EFTUD2: variants seen among roughly 807,000 people sequenced by gnomAD.
EFTUD2 encodes elongation factor Tu GTP binding domain containing 2.
In EFTUD2, 9 loss-of-function variants were observed where a neutral mutation model predicts 114.3. The observed-to-expected ratio is 0.08, with a 90% confidence interval of 0.05 to 0.14. EFTUD2 has a LOEUF of 0.14. EFTUD2 is among the 10% of genes least tolerant of loss of function. EFTUD2 has a pLI of 1.00. For missense variants in EFTUD2, 765 were observed against 1,241.2 expected, an observed-to-expected ratio of 0.62 and a Z score of 5.76; for synonymous variants, 449 against 462.3, an observed-to-expected ratio of 0.97 and a Z score of 0.37.
intron 18 of EFTUD2, 180 bp downstream of exon 18, chr17:44,859,717 CACACACAT>C: frequency 1.1e-6 from 1 of 896,092 alleles, no homozygotes; most frequent in Non-Finnish European, 1.7e-6. Context: ...TGTTTTAACA[CACACACAT>C]ACACACACAC....
At chr17:44,855,041 C>G (rs936049525) in intron 20 of EFTUD2, 37 bp from the exon 21 acceptor site, 2 of 1,549,700 alleles carry the variant, frequency 1.3e-6, no homozygotes, top group African/African-American at 2.7e-5. Flanking sequence ...GGACGGCTAA[C>G]AGAACAGCAG....
rs2051103619 is a variant in EFTUD2, at chr17:44,883,166, G to T, written c.427-8C>A. 2 of 1,613,824 alleles carry T rather than the reference G, an allele frequency of 1.2e-6. No individual in the cohort carries two copies. The highest frequency in any genetic ancestry group is 4.5e-5 in the East Asian group (2 of 44,866). On this transcript the variant is annotated splice_region_variant and splice_polypyrimidine_tract_variant and intron_variant, in intron 5 of 27. Coordinates refer to ENST00000426333, the MANE Select transcript of EFTUD2 (RefSeq NM_004247.4). ...ACAATCCACAAAACATGTCTAAAAGGGAAGAAACAGTTAACATCTGCCGAC... is the reference window on the plus strand; with the variant it reads ...ACAATCCACAAAACATGTCTAAAAGTGAAGAAACAGTTAACATCTGCCGAC...
At chr17:44,877,877 A>T (rs1054237360) in intron 9 of EFTUD2, among the ~76,000 whole-genome samples, 2 of 151,898 alleles carry the variant, frequency 1.3e-5, no homozygotes, top group African/African-American at 4.8e-5. Context: ...CACGCCTGTA[A>T]TCTCCACACT....
At chr17:44,861,361 C>T (rs538613285) in intron 16 of EFTUD2, among the ~76,000 whole-genome samples, 1 of 149,562 alleles carries the variant, frequency 6.7e-6, no homozygotes, top group South Asian at 2.2e-4. Flanking sequence ...AGGAGAATCG[C>T]TTGAACCCGG....
rs972364881 is a variant in EFTUD2 at position 44,851,018 on chromosome 17, T to C, written c.*256A>G. On this transcript the variant is annotated 3_prime_UTR_variant, in exon 28 of 28. Coordinates refer to ENST00000426333, the MANE Select transcript of EFTUD2 (RefSeq NM_004247.4). The stretch of plus-strand genomic sequence containing the variant: ...TAGGGCCCCTTGGGGTTTCATCCCC[T>C]TCTCTTTCTGTGAGCCCAAGCTCCT... 5 of 471,178 alleles carry C rather than the reference T, an allele frequency of 1.1e-5. No homozygotes were observed. Among genetic ancestry groups the C allele is most frequent in the Non-Finnish European group, 1.5e-5 (4 of 260,158 alleles). The allele number at this position is 471,178 out of a possible 1,614,324, so 29.2% of individuals were successfully genotyped here.
At chr17:44,883,997 T>A in intron 4 of EFTUD2, 1 of 418,126 alleles carries the variant, frequency 2.4e-6, no homozygotes, top group South Asian at 2.5e-5. Flanking sequence ...CTGGGCATGG[T>A]GGCTCATGCC....
intron 9 of EFTUD2, among the ~76,000 whole-genome samples, chr17:44,878,578 C>T (rs2051013373): frequency 6.6e-6 from 1 of 152,226 alleles, no homozygotes; most frequent in Non-Finnish European, 1.5e-5. Context: ...ATTTTGGCAA[C>T]TGTACTGTGG....
chr17:44,882,425 T>G (rs2051088885), intron 6 of EFTUD2, among the ~76,000 whole-genome samples: 1 of 151,834 alleles, frequency 6.6e-6, no homozygotes, highest in African/African-American at 2.4e-5. Context: ...CCAGCTACAT[T>G]TTGCATTTTT....
intron 2 of EFTUD2, among the ~76,000 whole-genome samples, chr17:44,892,825 C>T (rs965965911): frequency 7.9e-5 from 12 of 151,486 alleles, no homozygotes; most frequent in East Asian, 2.0e-4. Context: ...TTAGTAGAGA[C>T]GGGGTTTCAC....
At chr17:44,879,858 G>A (rs2051038394) in intron 8 of EFTUD2, among the ~76,000 whole-genome samples, 1 of 152,020 alleles carries the variant, frequency 6.6e-6, no homozygotes, top group South Asian at 2.1e-4. Context: ...AGGGACTCCT[G>A]GGACTCATGC....
At chr17:44,874,167 G>A (rs531701908) in intron 10 of EFTUD2, among the ~76,000 whole-genome samples, 72 of 149,634 alleles carry the variant, frequency 4.8e-4, no homozygotes, top group African/African-American at 1.6e-3. Context: ...TCTGCCTCCC[G>A]AGTAGCTAAG....
chr17:44,874,864 T>G (rs536732623), intron 10 of EFTUD2, among the ~76,000 whole-genome samples: 1 of 152,376 alleles, frequency 6.6e-6, no homozygotes, highest in African/African-American at 2.4e-5. Flanking sequence ...GCTGCTACAT[T>G]GCAAGCACTG....
At position 44,855,131 on chromosome 17, in the gene EFTUD2, G is replaced by A. The variant is rs1042610356; in HGVS notation, c.2046-127C>T. The A allele has an allele frequency of 1.1e-5, 9 of 811,698 alleles. No homozygotes were observed. In the African/African-American group the frequency reaches 1.3e-4, roughly 12 times the overall value. The allele number at this position is 811,698 out of a possible 1,614,324, so 50.3% of individuals were successfully genotyped here. A position where few individuals can be genotyped will look rare whatever the true frequency, so the allele number is the denominator to read the frequency against. ...AGTGAAAGCCACAGGGGCCAAGCGT[G>A]GTGGTTCAGACCTGTAATCCCAGCA... is the stretch of plus-strand genomic sequence containing the variant. On this transcript the variant is annotated intron_variant, in intron 20 of 27. Transcript: ENST00000426333.
At chr17:44,860,621 A>C in intron 16 of EFTUD2, 78 bp from the exon 17 acceptor site, 1 of 793,312 alleles carries the variant, frequency 1.3e-6, no homozygotes, top group Non-Finnish European at 2.0e-6. Flanking sequence ...TTTTTTTGAG[A>C]CAGGATCTCA....
At chr17:44,866,795 T>C (rs905210688) in intron 13 of EFTUD2, among the ~76,000 whole-genome samples, 2 of 152,198 alleles carry the variant, frequency 1.3e-5, no homozygotes, top group Non-Finnish European at 2.9e-5. Context: ...TTTTTTCCCT[T>C]TTCCTGATGT....
At chr17:44,862,356 G>A (rs995743870) in intron 16 of EFTUD2, among the ~76,000 whole-genome samples, 9 of 152,118 alleles carry the variant, frequency 5.9e-5, no homozygotes, top group South Asian at 2.1e-4. Flanking sequence ...GACTGCTTGA[G>A]CCCAGGAGGC....
chr17:44,899,170 G>C (rs2051463299), intron 1 of EFTUD2, 199 bp downstream of exon 1: 1 of 152,246 alleles, frequency 6.6e-6, no homozygotes, highest in South Asian at 2.1e-4. Flanking sequence ...GTGTGTGCGT[G>C]TGTGCGCGCT....
intron 9 of EFTUD2, among the ~76,000 whole-genome samples, chr17:44,879,029 T>G (rs953413694): frequency 6.6e-6 from 1 of 152,206 alleles, no homozygotes; most frequent in South Asian, 2.1e-4. Context: ...TGAATAGCAA[T>G]GAGTCTTATC....
chr17:44,887,434 G>A (rs1445509343), intron 2 of EFTUD2, among the ~76,000 whole-genome samples: 1 of 152,152 alleles, frequency 6.6e-6, no homozygotes, highest in Non-Finnish European at 1.5e-5. Context: ...ATCAACTGAT[G>A]ACTGGATAAA....
Sources: gnomAD v4.1 joint callset for allele counts (sites outside exome capture counted in the v4.1 genomes callset) on GRCh38, gnomAD v4.1.1 for gene constraint, MANE v1.5 for transcripts, NCBI Gene and HGNC (gene_info 2026-07-23, HGNC 2026-07-21) for gene names.